IRAG1: variants seen among roughly 807,000 people sequenced by gnomAD.
IRAG1 encodes the protein inositol 1,4,5-triphosphate receptor associated 1, also known as IP3R-associated cGMP kinase substrate.
Under a neutral mutation model 106.2 loss-of-function variants are expected in IRAG1, and 62 were observed. That is an observed-to-expected ratio of 0.58 (90% CI 0.48 to 0.72). IRAG1 has a LOEUF of 0.72. Among genes scored for constraint, IRAG1 ranks in the 30% least tolerant of loss-of-function variants. The pLI, the probability that IRAG1 is intolerant of heterozygous loss-of-function variation, is 0.00. For missense variants in IRAG1, 1,064 were observed against 1,140.7 expected (o/e 0.93, Z 0.97); for synonymous variants, 462 against 443.9 (o/e 1.04, Z -0.51).
chr11:10,633,541 A>G, intron 3 of IRAG1, among the ~76,000 whole-genome samples: 1 of 152,190 alleles, frequency 6.6e-6, no homozygotes, highest in Non-Finnish European at 1.5e-5. Context: ...GCAGGATTCT[A>G]CATTCAAACA....
intron 1 of IRAG1, among the ~76,000 whole-genome samples, chr11:10,683,907 G>T: frequency 6.7e-6 from 1 of 149,256 alleles, no homozygotes; most frequent in African/African-American, 2.5e-5. Context: ...AAAAAAGCAT[G>T]ATTTTCAAAA....
chr11:10,611,419 A>C (rs1428626773), intron 10 of IRAG1: 1 of 152,178 alleles, frequency 6.6e-6, no homozygotes, highest in Non-Finnish European at 1.5e-5. Flanking sequence ...TGAGATATCT[A>C]TAGGATGATC....
chr11:10,594,376 G>C (rs116506633), intron 15 of IRAG1, 181 bp from the exon 16 acceptor site: 1 of 573,450 alleles, frequency 1.7e-6, no homozygotes, highest in South Asian at 2.4e-5. Flanking sequence ...GCTGCAGAGT[G>C]GGGGCTTTTT....
At chr11:10,621,344 A>C (rs1855819707) in intron 10 of IRAG1, among the ~76,000 whole-genome samples, 1 of 152,206 alleles carries the variant, frequency 6.6e-6, no homozygotes, top group Non-Finnish European at 1.5e-5. Context: ...CATCCTGGAC[A>C]CATTCACCCA....
chr11:10,664,322 C>T (rs1859628502), intron 1 of IRAG1, among the ~76,000 whole-genome samples: 1 of 152,186 alleles, frequency 6.6e-6, no homozygotes, highest in African/African-American at 2.4e-5. Flanking sequence ...CTGGGAATCC[C>T]AGTTCTCCAA....
At chr11:10,584,049 G>A (rs563863089) in intron 18 of IRAG1, among the ~76,000 whole-genome samples, 2 of 152,156 alleles carry the variant, frequency 1.3e-5, no homozygotes, top group South Asian at 4.1e-4. Context: ...GCAGGTATGG[G>A]ATCACAAGTT....
chr11:10,673,442 A>G (rs1860408646), intron 1 of IRAG1, among the ~76,000 whole-genome samples: 1 of 152,206 alleles, frequency 6.6e-6, no homozygotes, highest in South Asian at 2.1e-4. Flanking sequence ...AATGCCCATA[A>G]TAGAGAAAGC....
At chr11:10,639,641 A>T (rs1857377326) in intron 2 of IRAG1, among the ~76,000 whole-genome samples, 1 of 150,504 alleles carries the variant, frequency 6.6e-6, no homozygotes, top group Admixed American at 6.6e-5. Context: ...CTCTCTGATG[A>T]CTCTTCCCCT....
chr11:10,644,107 T>TC (rs1259931755), intron 2 of IRAG1, among the ~76,000 whole-genome samples: 3 of 152,200 alleles, frequency 2.0e-5, no homozygotes, highest in Non-Finnish European at 4.4e-5. Context: ...AGCACCTGTT[T>TC]CCCATGCATG....
At chr11:10,621,206 A>C (rs544345133) in intron 10 of IRAG1, among the ~76,000 whole-genome samples, 1 of 152,346 alleles carries the variant, frequency 6.6e-6, no homozygotes, top group Non-Finnish European at 1.5e-5. Context: ...GGTTATTTAA[A>C]ATATTTTGCC....
chr11:10,661,711 C>A (rs1417478709), intron 1 of IRAG1, among the ~76,000 whole-genome samples: 1 of 152,208 alleles, frequency 6.6e-6, no homozygotes, highest in Non-Finnish European at 1.5e-5. Context: ...CACCGTCCTG[C>A]CTCCTTATAA....
At chr11:10,660,382 TATA>T (rs963894941) in intron 1 of IRAG1, among the ~76,000 whole-genome samples, 3 of 152,240 alleles carry the variant, frequency 2.0e-5, no homozygotes, top group Admixed American at 1.3e-4. Context: ...GCGGAAACTA[TATA>T]ATGATTTGCT....
intron 19 of IRAG1, among the ~76,000 whole-genome samples, chr11:10,581,275 C>T (rs1329671405): frequency 6.6e-6 from 1 of 152,100 alleles, no homozygotes; most frequent in East Asian, 1.9e-4. Flanking sequence ...CTATGTCTTC[C>T]TCATGAGCTA....
At chr11:10,606,818 A>G (rs776298895) in intron 11 of IRAG1, 46 bp from the exon 12 acceptor site, 7 of 1,538,650 alleles carry the variant, frequency 4.5e-6, no homozygotes, top group African/African-American at 1.4e-5. Flanking sequence ...AACCTAGTCA[A>G]TAGACCCAAA....
Position 10,626,107 on chromosome 11 carries a change from C to T in IRAG1, c.1227G>A (p.Val409=). ...CCTCTGCCAGTGGCAGCTTGGCAAG[C>T]ACTTTCTGCAGCCGGGGGCCAGGTT... The part of the protein sequence containing the change: ...PEEPGPRLQK[V]LAKLPLAEEE... The change falls in exon 9 of 21, where the codon GTG becomes GTA. Residue 409 remains valine (V), a synonymous_variant. Transcript: ENST00000423302. 6.5e-7 allele frequency: 1 copy of T among 1,546,286 alleles called. No homozygotes were observed. Among genetic ancestry groups the T allele is most frequent in the Non-Finnish European group, 8.7e-7 (1 of 1,145,822 alleles).
intron 1 of IRAG1, among the ~76,000 whole-genome samples, chr11:10,678,863 C>T (rs747415339): frequency 6.6e-6 from 1 of 152,160 alleles, no homozygotes; most frequent in Non-Finnish European, 1.5e-5. Flanking sequence ...TTCTGCAATC[C>T]TGGGTTAATG....
chr11:10,680,366 A>AAAGAAAGAAAGAAAGAAAGG (rs1564942473), intron 1 of IRAG1, among the ~76,000 whole-genome samples: 1 of 94,344 alleles, frequency 1.1e-5, no homozygotes, highest in African/African-American at 4.8e-5. Context: ...AGAAAGAAAG[A>AAAGAAAGAAAGAAAGAAAGG]AAGAAGGAAG....
At position 10,600,980 on chromosome 11, in the gene IRAG1, G is replaced by C. The variant is rs376317552; in HGVS notation, c.1955C>G (p.Ala652Gly). The C allele has an allele frequency of 6.2e-7, 1 of 1,614,010 alleles. No individual in the cohort carries two copies. The highest frequency in any genetic ancestry group is 1.3e-5 in the African/African-American group (1 of 75,062). ...NLKRTYEKDH[A>G]ELMEFKKLAN... ...AAGCTTTTTAAACTCCATGAGCTCC[G>C]CATGGTCCTTCTCATACGTCCTCTT... Residue 652 changes from alanine (A) to glycine (G), a missense_variant, in exon 15 of 21, where the codon GCG becomes GGG. Ala to Gly is a moderately conservative substitution (Grantham distance 60). Transcript: ENST00000423302.
intron 12 of IRAG1, among the ~76,000 whole-genome samples, chr11:10,605,827 A>G (rs1351753866): frequency 6.6e-6 from 1 of 152,238 alleles, no homozygotes; most frequent in African/African-American, 2.4e-5. Context: ...ATAATGCTCA[A>G]TGCTTAATTT....
Sources: allele counts gnomAD v4.1 joint callset (sites outside exome capture counted in the v4.1 genomes callset), GRCh38; gene constraint gnomAD v4.1.1; transcripts MANE v1.5; gene names NCBI Gene and HGNC (gene_info 2026-07-23, HGNC 2026-07-21).